Variants in TMEM178B observed in about 807,000 individuals in gnomAD.
TMEM178B encodes the protein transmembrane protein 178B.
In TMEM178B, 5 loss-of-function variants were observed where a neutral mutation model predicts 31.0. The observed-to-expected ratio is 0.16, with a 90% CI of 0.08 to 0.34. The LOEUF is 0.34. TMEM178B is among the 10% of genes least tolerant of loss of function. The pLI, the probability that TMEM178B is intolerant of heterozygous loss-of-function variation, is 1.00. For missense variants in TMEM178B, 275 were observed against 400.3 expected, an observed-to-expected ratio of 0.69 and a Z score of 2.67; for synonymous variants, 164 against 164.0, an observed-to-expected ratio of 1.00 and a Z score of 0.00.
At position 141,475,601 on chromosome 7, in the gene TMEM178B, A is replaced by C. The variant is rs1207712535; in HGVS notation, c.*4815A>C. 1 of 152,154 alleles carries C rather than the reference A, an allele frequency of 6.6e-6. No individual in the cohort carries two copies. Among genetic ancestry groups the C allele is most frequent in the African/African-American group, 2.4e-5 (1 of 41,426 alleles). The allele number at this position is 152,154 out of a possible 1,614,324, so 9.4% of individuals were successfully genotyped here. On this transcript the variant is annotated 3_prime_UTR_variant, in exon 4 of 4. Transcript: ENST00000565468. ...TGGGGCCATGTGAGCAGTGTACACC[A>C]CAGAACCGCACTGGTCTGCGTTGAG... is the stretch of plus-strand genomic sequence containing the variant.
At chr7:141,400,233 T>G (rs922714183) in intron 2 of TMEM178B, among the ~76,000 whole-genome samples, 1 of 152,164 alleles carries the variant, frequency 6.6e-6, no homozygotes, top group South Asian at 2.1e-4. Context: ...CTTTCCTGCA[T>G]CTATTCAACA....
chr7:141,337,906 C>T (rs1035054404), intron 2 of TMEM178B, among the ~76,000 whole-genome samples: 11 of 152,030 alleles, frequency 7.2e-5, no homozygotes, highest in Non-Finnish European at 1.5e-4. Flanking sequence ...GACACAATCT[C>T]GGCTCACTGC....
chr7:141,391,449 C>T (rs1329224690), intron 2 of TMEM178B, among the ~76,000 whole-genome samples: 1 of 152,200 alleles, frequency 6.6e-6, no homozygotes, highest in African/African-American at 2.4e-5. Context: ...CGTGAGCCAC[C>T]ACATCCGGCC....
In TMEM178B at chr7:141,116,769, T is replaced by C. The variant is rs1200185284; in HGVS notation, c.382+42077T>C. On this transcript the variant is annotated intron_variant, in intron 1 of 3. Transcript: ENST00000565468. ...CTTACGAGTGAGAGCGTGCAGTGTTTGGTTTTCTGTTCCTGTGTTAGTTTG... is the reference window on the plus strand; with the variant it reads ...CTTACGAGTGAGAGCGTGCAGTGTTCGGTTTTCTGTTCCTGTGTTAGTTTG... 2.0e-5 allele frequency among the ~76,000 whole-genome samples: 3 copies of C among 152,190 alleles called. No homozygotes were observed. The South Asian group carries it at 6.2e-4, about 32-fold the overall frequency.
At position 141,324,416 on chromosome 7, in the gene TMEM178B, GTT is replaced by G. The variant is rs56316531; in HGVS notation, c.496+111748_496+111749del. ...TGTGAGAGCAAGAGAGGAGACCAGG[GTT>G]TTTTTTTTTTTTTTTTTTTTTTTTT... On this transcript the variant is annotated intron_variant, in intron 2 of 3. Coordinates refer to ENST00000565468, the MANE Select transcript of TMEM178B (RefSeq NM_001195278.2). 6.0e-3 allele frequency among the ~76,000 whole-genome samples: 508 copies of G among 85,322 alleles called. 1 individual carries two copies. Among genetic ancestry groups the G allele is most frequent in the Middle Eastern group, 0.013 (2 of 152 alleles). 56.0% of individuals were successfully genotyped at this position (85,322 alleles called of 152,430 possible).
At chr7:141,312,561 A>G (rs559471643) in intron 2 of TMEM178B, among the ~76,000 whole-genome samples, 24 of 152,328 alleles carry the variant, frequency 1.6e-4, no homozygotes, top group Middle Eastern at 3.4e-3. Context: ...TTGGGAGACA[A>G]GAGTTTCTGA....
intron 2 of TMEM178B, among the ~76,000 whole-genome samples, chr7:141,219,670 C>T (rs1257943802): frequency 6.6e-6 from 1 of 152,160 alleles, no homozygotes; most frequent in Non-Finnish European, 1.5e-5. Context: ...TTCAGTATAC[C>T]CACTGCCTTG....
chr7:141,497,310 C>T, the TMEM178B span, among the ~76,000 whole-genome samples: 1 of 152,190 alleles, frequency 6.6e-6, no homozygotes, highest in African/African-American at 2.4e-5. Flanking sequence ...CTGGCTGAGA[C>T]AACTCTCCTT....
intron 1 of TMEM178B, among the ~76,000 whole-genome samples, chr7:141,089,843 C>T (rs894732118): frequency 1.3e-5 from 2 of 151,816 alleles, no homozygotes; most frequent in South Asian, 2.1e-4. Context: ...GGGAACATCA[C>T]ACACCAGGGC....
At chr7:141,202,678 G>T (rs376611017) in intron 1 of TMEM178B, among the ~76,000 whole-genome samples, 17 of 152,332 alleles carry the variant, frequency 1.1e-4, no homozygotes, top group East Asian at 9.6e-4. Flanking sequence ...TATAAGCCTT[G>T]CAAATCCTTG....
chr7:141,440,865 A>G (rs1801644843), intron 3 of TMEM178B, among the ~76,000 whole-genome samples: 1 of 152,212 alleles, frequency 6.6e-6, no homozygotes, highest in East Asian at 1.9e-4. Flanking sequence ...ACTTGTGTCC[A>G]TAGGTAAAGC....
At chr7:141,133,783 T>C (rs1445624355) in intron 1 of TMEM178B, among the ~76,000 whole-genome samples, 1 of 152,130 alleles carries the variant, frequency 6.6e-6, no homozygotes, top group Non-Finnish European at 1.5e-5. Context: ...CCAAGGCAGA[T>C]TGTGGTCAGA....
chr7:141,501,979 C>T, the TMEM178B span, among the ~76,000 whole-genome samples: 21 of 152,274 alleles, frequency 1.4e-4, no homozygotes, highest in Non-Finnish European at 1.8e-4. Context: ...TGGGCTTGCA[C>T]GTGTCCTCAC....
intron 1 of TMEM178B, among the ~76,000 whole-genome samples, chr7:141,186,786 AC>A (rs1365059095): frequency 1.3e-5 from 2 of 152,158 alleles, no homozygotes; most frequent in African/African-American, 4.8e-5. Context: ...ACCAGTGGCT[AC>A]TAACAATGTG....
intron 2 of TMEM178B, among the ~76,000 whole-genome samples, chr7:141,383,875 A>G (rs1586925180): frequency 6.6e-6 from 1 of 152,130 alleles, no homozygotes; most frequent in African/African-American, 2.4e-5. Flanking sequence ...CCTCTCCAGC[A>G]CCTGTTGTTT....
At chr7:141,103,631 A>T (rs1019278840) in intron 1 of TMEM178B, among the ~76,000 whole-genome samples, 1 of 152,176 alleles carries the variant, frequency 6.6e-6, no homozygotes, top group Non-Finnish European at 1.5e-5. Context: ...AATTTTTAAC[A>T]TTGGTTTTAG....
In TMEM178B at chr7:141,472,056, G is replaced by A. The variant is rs1201531941; in HGVS notation, c.*1270G>A. 3 of 152,132 alleles carry A rather than the reference G, an allele frequency of 2.0e-5. No homozygotes were observed. Among genetic ancestry groups the A allele is most frequent in the Non-Finnish European group, 4.4e-5 (3 of 68,040 alleles). 9.4% of individuals were successfully genotyped at this position (152,132 alleles called of 1,614,324 possible). ...GAGAAGAGGGGGAACACACAGTTCA[G>A]GAGAGAGAAGAAATGTTGCTCTGGT... On this transcript the variant is annotated 3_prime_UTR_variant, in exon 4 of 4. Transcript: ENST00000565468.
chr7:141,137,953 A>G (rs1795701983), intron 1 of TMEM178B, among the ~76,000 whole-genome samples: 1 of 152,210 alleles, frequency 6.6e-6, no homozygotes, highest in South Asian at 2.1e-4. Flanking sequence ...TTTCCATTCT[A>G]CAAAATATAT....
intron 2 of TMEM178B, among the ~76,000 whole-genome samples, chr7:141,426,514 G>A (rs1386027398): frequency 2.0e-5 from 3 of 152,178 alleles, no homozygotes; most frequent in Admixed American, 2.0e-4. Flanking sequence ...CAAGGATGAT[G>A]AGAAACTTGA....
Sources: allele counts gnomAD v4.1 joint callset (sites outside exome capture counted in the v4.1 genomes callset), GRCh38; gene constraint gnomAD v4.1.1; transcripts MANE v1.5; gene names NCBI Gene and HGNC (gene_info 2026-07-23, HGNC 2026-07-21).